Variants in GDA observed in about 807,000 individuals in gnomAD.
The protein encoded by GDA is cytoplasmic PSD-95 interactor.
GDA carries 18 observed loss-of-function variants against 59.6 expected under a neutral mutation model. The ratio of observed to expected loss-of-function variants is 0.30; its 90% confidence interval spans 0.21 to 0.45. The LOEUF (loss-of-function observed/expected upper bound fraction) is 0.45, where lower values mean the gene tolerates loss of function less well. Among genes scored for constraint, GDA ranks in the 20% least tolerant of loss-of-function variants. The pLI, the probability that GDA is intolerant of heterozygous loss-of-function variation, is 1.00. For missense variants in GDA, 427 were observed against 552.3 expected (o/e 0.77, Z 2.27); for synonymous variants, 201 against 201.1 (o/e 1.00, Z 0.00).
intron 1 of GDA, among the ~76,000 whole-genome samples, chr9:72,181,957 C>T (rs1831275821): frequency 1.3e-5 from 2 of 152,070 alleles, no homozygotes; most frequent in South Asian, 4.1e-4. Flanking sequence ...ATTCTCAGTG[C>T]TAATATTTTA....
intron 1 of GDA, among the ~76,000 whole-genome samples, chr9:72,163,497 CTT>C (rs201124130): frequency 1.5e-4 from 22 of 143,142 alleles, no homozygotes; most frequent in South Asian, 2.2e-4. Flanking sequence ...TAAAATTATT[CTT>C]TTTTTTTTTT....
chr9:72,124,870 A>T (rs1225208690), intron 1 of GDA, among the ~76,000 whole-genome samples: 1 of 152,134 alleles, frequency 6.6e-6, no homozygotes, highest in Non-Finnish European at 1.5e-5. Flanking sequence ...GGCCTCCCAA[A>T]GTGCTGAGAT....
At chr9:72,192,689 G>T (rs1473890177) in intron 1 of GDA, among the ~76,000 whole-genome samples, 24 of 151,128 alleles carry the variant, frequency 1.6e-4, no homozygotes, top group Non-Finnish European at 2.9e-5. Flanking sequence ...AGACCATCCT[G>T]GCCAACATTG....
chr9:72,150,478 G>C (rs1178880166), intron 1 of GDA, among the ~76,000 whole-genome samples: 1 of 152,090 alleles, frequency 6.6e-6, no homozygotes, highest in Admixed American at 6.5e-5. Flanking sequence ...CAGGTAACTT[G>C]ATGTCTACTA....
At chr9:72,235,381 A>G (rs1838856968) in intron 10 of GDA, among the ~76,000 whole-genome samples, 1 of 152,354 alleles carries the variant, frequency 6.6e-6, no homozygotes, top group East Asian at 1.9e-4. Flanking sequence ...TTTAAAAAAT[A>G]ATATATGCTC....
intron 10 of GDA, among the ~76,000 whole-genome samples, chr9:72,234,480 T>A (rs1316547712): frequency 1.3e-5 from 2 of 152,136 alleles, no homozygotes; most frequent in Non-Finnish European, 2.9e-5. Flanking sequence ...AGCAGAATTA[T>A]TGTTACAGAA....
intron 6 of GDA, among the ~76,000 whole-genome samples, chr9:72,221,122 G>A (rs1359481027): frequency 1.3e-5 from 2 of 152,140 alleles, no homozygotes; most frequent in East Asian, 1.9e-4. Context: ...CTCCTGCCTG[G>A]CCACTCACCT....
intron 9 of GDA, chr9:72,228,260 GA>G: frequency 2.1e-6 from 1 of 480,356 alleles, no homozygotes; most frequent in Non-Finnish European, 3.7e-6. Context: ...AGCATCTTCT[GA>G]AATCTCTGAG....
At chr9:72,226,208 G>A (rs1002792441) in intron 8 of GDA, among the ~76,000 whole-genome samples, 2 of 152,202 alleles carry the variant, frequency 1.3e-5, no homozygotes, top group East Asian at 3.9e-4. Flanking sequence ...AATATGAATA[G>A]GGATGCTAAT....
rs1840482497 is a variant in GDA at position 72,249,506 on chromosome 9, T to A, written c.*1164T>A. 4 of 613,280 alleles carry A rather than the reference T, an allele frequency of 6.5e-6. No individual in the cohort carries two copies. The highest frequency in any genetic ancestry group is 8.2e-6 in the Non-Finnish European group (4 of 490,366). 38.0% of individuals were successfully genotyped at this position (613,280 alleles called of 1,614,324 possible). On this transcript the variant is annotated 3_prime_UTR_variant, in exon 14 of 14. Coordinates refer to ENST00000358399, the MANE Select transcript of GDA (RefSeq NM_004293.5). ...ATTAAAATTTTAGGATAATGAAGAG[T>A]ACATAATGTCCTACTTAATATTTAT...
intron 1 of GDA, among the ~76,000 whole-genome samples, chr9:72,131,072 C>T (rs1003779618): frequency 6.6e-6 from 1 of 152,192 alleles, no homozygotes; most frequent in Non-Finnish European, 1.5e-5. Flanking sequence ...TTAAGTTCCA[C>T]TGATGCCCTA....
intron 1 of GDA, among the ~76,000 whole-genome samples, chr9:72,169,009 CTTG>C (rs929036015): frequency 1.3e-5 from 2 of 152,192 alleles, no homozygotes; most frequent in South Asian, 2.1e-4. Context: ...CTGTTACAAG[CTTG>C]TTGTTTGTTT....
At chr9:72,164,654 T>C (rs1227054088) in intron 1 of GDA, among the ~76,000 whole-genome samples, 2 of 152,186 alleles carry the variant, frequency 1.3e-5, no homozygotes, top group Non-Finnish European at 2.9e-5. Context: ...AGGACTTTTA[T>C]ACAAACATTT....
At chr9:72,224,211 T>C (rs933850146) in intron 7 of GDA, among the ~76,000 whole-genome samples, 15 of 152,176 alleles carry the variant, frequency 9.9e-5, no homozygotes, top group African/African-American at 3.1e-4. Context: ...CAAAATCAAG[T>C]TTATCCTTGC....
intron 13 of GDA, 66 bp from the exon 14 acceptor site, chr9:72,248,206 A>T: frequency 9.2e-7 from 1 of 1,089,400 alleles, no homozygotes; most frequent in Non-Finnish European, 1.4e-6. Flanking sequence ...AATCTCTCCC[A>T]ATGGCAAGGA....
intron 1 of GDA, among the ~76,000 whole-genome samples, chr9:72,125,669 T>G (rs1825821521): frequency 6.6e-6 from 1 of 152,162 alleles, no homozygotes; most frequent in Admixed American, 6.6e-5. Flanking sequence ...ACCAGCCCAT[T>G]CAACAACAAG....
At chr9:72,242,348 G>A (rs560214483) in intron 11 of GDA, among the ~76,000 whole-genome samples, 14 of 152,204 alleles carry the variant, frequency 9.2e-5, no homozygotes, top group African/African-American at 3.1e-4. Flanking sequence ...CAATTCTCAC[G>A]TGTAACTGTA....
At chr9:72,240,909 A>G (rs1012032932) in intron 10 of GDA, among the ~76,000 whole-genome samples, 13 of 152,192 alleles carry the variant, frequency 8.5e-5, no homozygotes, top group Admixed American at 6.5e-5. Context: ...GTTTTAAGCT[A>G]GAAAATTTGT....
intron 1 of GDA, among the ~76,000 whole-genome samples, chr9:72,195,276 A>T (rs950906967): frequency 6.7e-6 from 1 of 149,952 alleles, no homozygotes; most frequent in Admixed American, 6.6e-5. Flanking sequence ...GATTGATATT[A>T]TGGCAGAAAA....
Sources: allele counts gnomAD v4.1 joint callset (sites outside exome capture counted in the v4.1 genomes callset), GRCh38; gene constraint gnomAD v4.1.1; transcripts MANE v1.5; gene names NCBI Gene and HGNC (gene_info 2026-07-23, HGNC 2026-07-21).